The following SMIM13 variants were observed in gnomAD, a reference collection of about 807,000 sequenced individuals.
The protein encoded by SMIM13 is small integral membrane protein 13.
SMIM13 carries 3 observed loss-of-function variants against 5.9 expected under a neutral mutation model. The observed-to-expected ratio is 0.51, with a 90% CI of 0.23 to 1.31. SMIM13 has a LOEUF of 1.31. SMIM13 is among the 40% of genes most tolerant of loss of function. The probability of loss-of-function intolerance (pLI) is 0.18; values close to 1 mark genes in which losing one functional copy is unlikely to be tolerated. For synonymous variants in SMIM13, 55 were observed against 46.0 expected (o/e 1.19, Z -0.79); for missense variants, 85 against 109.9 (o/e 0.77, Z 1.01).
chr6:11,094,452 T>TA, intron 1 of SMIM13, 63 bp downstream of exon 1: 1 of 1,319,128 alleles, frequency 7.6e-7, no homozygotes, highest in African/African-American at 1.5e-5. Flanking sequence ...GCTGGGGTTT[T>TA]TTTTGTTGTT....
At position 11,118,275 on chromosome 6, in the gene SMIM13, G is replaced by A. The variant is rs560644134; in HGVS notation, c.77-16128G>A. Among the ~76,000 whole-genome samples, 187 of 152,276 alleles carry A rather than the reference G, an allele frequency of 1.2e-3. 3 individuals carry two copies. Among genetic ancestry groups the A allele is most frequent in the Non-Finnish European group, 2.3e-3 (154 of 68,024 alleles). ...TACATCTCAGGTCAGTTTGGTTGAGGGTTGTTTGGTACTTTTGTGAAAGGG... is the reference window on the plus strand; with the variant it reads ...TACATCTCAGGTCAGTTTGGTTGAGAGTTGTTTGGTACTTTTGTGAAAGGG... On this transcript the variant is annotated intron_variant, in intron 1 of 1. Coordinates refer to ENST00000416247, the MANE Select transcript of SMIM13 (RefSeq NM_001135575.2).
intron 1 of SMIM13, among the ~76,000 whole-genome samples, chr6:11,114,592 C>CTCTTTTTTTTTTTT (rs1758212653): frequency 1.0e-3 from 22 of 21,850 alleles, no homozygotes; most frequent in South Asian, 4.1e-3. Flanking sequence ...CACTTTTTCT[C>CTCTTTTTTTTTTTT]TTTTTTTTTT....
At chr6:11,133,657 T>G (rs1321309963) in intron 1 of SMIM13, among the ~76,000 whole-genome samples, 3 of 152,134 alleles carry the variant, frequency 2.0e-5, no homozygotes, top group Non-Finnish European at 2.9e-5. Context: ...TTTTCTCCTG[T>G]GTGTTCCTTT....
At position 11,105,013 on chromosome 6, in the gene SMIM13, A is replaced by G; in HGVS notation, c.76+10624A>G. On this transcript the variant is annotated intron_variant, in intron 1 of 1. Transcript: ENST00000416247. ...GGAGGTTTCTGGCGGATATCAGGGA[A>G]ATCTTGCTTTACTGTTGAAAGAAGA... The G allele has an allele frequency of 6.2e-7, 1 of 1,614,200 alleles. No homozygotes were observed. The highest frequency in any genetic ancestry group is 1.1e-5 in the South Asian group (1 of 91,080).
At chr6:11,126,328 G>A (rs1352713234) in intron 1 of SMIM13, among the ~76,000 whole-genome samples, 4 of 152,184 alleles carry the variant, frequency 2.6e-5, no homozygotes, top group South Asian at 4.1e-4. Flanking sequence ...GATTATAGGC[G>A]TGAGCCATGG....
intron 1 of SMIM13, among the ~76,000 whole-genome samples, chr6:11,130,231 CCTATCA>C (rs1758434404): frequency 6.8e-6 from 1 of 147,168 alleles, no homozygotes; most frequent in African/African-American, 2.5e-5. Context: ...GTACTCCCAA[CCTATCA>C]TTACAGTAGT....
chr6:11,123,852 T>C (rs1758342430), intron 1 of SMIM13, among the ~76,000 whole-genome samples: 1 of 152,228 alleles, frequency 6.6e-6, no homozygotes. Context: ...AAATATACAA[T>C]ACATTATTGT....
Position 11,130,090 on chromosome 6 carries a change from C to T in SMIM13, c.77-4313C>T, listed in dbSNP as rs1298281563. On this transcript the variant is annotated intron_variant, in intron 1 of 1. Transcript: ENST00000416247. The stretch of plus-strand genomic sequence containing the variant: ...AAACACCCTGTCTTCCTGTCCTCCT[C>T]CTGTCTGTCCCCAAAATTACACCTC... 2.6e-5 allele frequency among the ~76,000 whole-genome samples: 4 copies of T among 152,090 alleles called. 1 individual carries two copies. Among genetic ancestry groups the T allele is most frequent in the South Asian group, 4.2e-4 (2 of 4,812 alleles).
At position 11,124,155 on chromosome 6, in the gene SMIM13, C is replaced by A. The variant is rs1447246939; in HGVS notation, c.77-10248C>A. Among the ~76,000 whole-genome samples the A allele has an allele frequency of 3.3e-5, 5 of 152,212 alleles. No individual in the cohort carries two copies. In the East Asian group the frequency reaches 9.6e-4, roughly 29 times the overall value. The stretch of plus-strand genomic sequence containing the variant: ...TAACCATTCCCACTCCCTGCCCCTT[C>A]AGTACCGTTCCCAGCCTCTGGGAGC... On this transcript the variant is annotated intron_variant, in intron 1 of 1. Transcript: ENST00000416247.
chr6:11,118,090 C>T (rs969938292), intron 1 of SMIM13, among the ~76,000 whole-genome samples: 10 of 152,290 alleles, frequency 6.6e-5, no homozygotes, highest in African/African-American at 1.7e-4. Context: ...AGGCTGGTCT[C>T]GAACTCCTGA....
At chr6:11,119,148 TGAA>T (rs1581917999) in intron 1 of SMIM13, among the ~76,000 whole-genome samples, 1 of 152,182 alleles carries the variant, frequency 6.6e-6, no homozygotes, top group East Asian at 1.9e-4. Flanking sequence ...AACAAAATGC[TGAA>T]GAAGAACTCT....
At chr6:11,105,296 C>T in intron 1 of SMIM13, 7 of 1,612,952 alleles carry the variant, frequency 4.3e-6, no homozygotes, top group Non-Finnish European at 5.9e-6. Flanking sequence ...TGAGAACCAG[C>T]AGGAGCAGGC....
rs767814724 is a variant in SMIM13 at position 11,105,004 on chromosome 6, T to C, written c.76+10615T>C. The C allele has an allele frequency of 1.5e-5, 25 of 1,614,082 alleles. No homozygotes were observed. In the South Asian group the frequency reaches 2.5e-4, roughly 16 times the overall value. ...CCGAAAATGGGAGGTTTCTGGCGGATATCAGGGAAATCTTGCTTTACTGTT... is the reference window on the plus strand; with the variant it reads ...CCGAAAATGGGAGGTTTCTGGCGGACATCAGGGAAATCTTGCTTTACTGTT... On this transcript the variant is annotated intron_variant, in intron 1 of 1. Coordinates refer to ENST00000416247, the MANE Select transcript of SMIM13 (RefSeq NM_001135575.2).
At chr6:11,104,552 G>A (rs776050141) in intron 1 of SMIM13, 8 of 1,596,316 alleles carry the variant, frequency 5.0e-6, no homozygotes, top group East Asian at 2.3e-5. Flanking sequence ...AGACTTGGAC[G>A]CAGGGTGTTT....
At chr6:11,117,088 T>A (rs1758250268) in intron 1 of SMIM13, among the ~76,000 whole-genome samples, 1 of 145,142 alleles carries the variant, frequency 6.9e-6, no homozygotes, top group Non-Finnish European at 1.5e-5. Context: ...CCTCCCGGGT[T>A]CAACTGATTC....
rs11963211 is a variant in SMIM13, at chr6:11,098,519, A to G, written c.76+4130A>G. On this transcript the variant is annotated intron_variant, in intron 1 of 1. Transcript: ENST00000416247. ...GCAATCTTGGTTCACTGCAACTTCTACTCCTGGGTCTAAGTGATTCTCCTG... is the reference window on the plus strand; with the variant it reads ...GCAATCTTGGTTCACTGCAACTTCTGCTCCTGGGTCTAAGTGATTCTCCTG... Among the ~76,000 whole-genome samples the G allele has an allele frequency of 3.6e-3, 550 of 152,142 alleles. 7 individuals carry two copies. Among genetic ancestry groups the G allele is most frequent in the African/African-American group, 0.012 (509 of 41,498 alleles).
At chr6:11,094,429 G>A (rs1321643914) in intron 1 of SMIM13, 40 bp downstream of exon 1, 30 of 1,479,572 alleles carry the variant, frequency 2.0e-5, no homozygotes, top group Non-Finnish European at 2.3e-5. Flanking sequence ...TCCACACGCC[G>A]GGTCGCTGAT....
intron 1 of SMIM13, among the ~76,000 whole-genome samples, chr6:11,118,388 G>C (rs968494988): frequency 2.0e-5 from 3 of 152,326 alleles, no homozygotes; most frequent in African/African-American, 7.2e-5. Flanking sequence ...GAATCAATTG[G>C]TCAAATTAAT....
At chr6:11,131,558 C>T (rs1364215192) in intron 1 of SMIM13, among the ~76,000 whole-genome samples, 2 of 151,946 alleles carry the variant, frequency 1.3e-5, no homozygotes, top group African/African-American at 4.8e-5. Context: ...ACATGGTATG[C>T]AACTAGAATA....
Sources: allele counts gnomAD v4.1 joint callset (sites outside exome capture counted in the v4.1 genomes callset), GRCh38; gene constraint gnomAD v4.1.1; transcripts MANE v1.5; gene names NCBI Gene and HGNC (gene_info 2026-07-23, HGNC 2026-07-21).